The following NDRG4 variants were observed in gnomAD, a reference collection of about 807,000 sequenced individuals.
The protein encoded by NDRG4 is NDRG family member 4.
Under a neutral mutation model 55.8 loss-of-function variants are expected in NDRG4, and 38 were observed. The observed-to-expected ratio is 0.68, with a 90% confidence interval of 0.53 to 0.89. NDRG4 has a LOEUF of 0.89. Ranked by LOEUF, NDRG4 falls within the 40% of genes least tolerant of loss-of-function variation. The pLI is 0.00. For missense variants in NDRG4, 455 were observed against 468.6 expected, an observed-to-expected ratio of 0.97 and a Z score of 0.27; for synonymous variants, 190 against 182.7, an observed-to-expected ratio of 1.04 and a Z score of -0.32.
intron 1 of NDRG4, chr16:58,501,203 G>A (rs1199904380): frequency 5.7e-6 from 3 of 530,108 alleles, no homozygotes; most frequent in East Asian, 3.5e-5. Flanking sequence ...CGGAGGTGAC[G>A]ACGTCAGCAC....
At chr16:58,505,124 C>T (rs559600244) in intron 5 of NDRG4, among the ~76,000 whole-genome samples, 37 of 152,192 alleles carry the variant, frequency 2.4e-4, no homozygotes, top group East Asian at 1.9e-3. Flanking sequence ...CCAAGGTGGG[C>T]AGATCACGAG....
chr16:58,486,700 TACACACACACACACACACACACACAC>T (rs56119933), intron 1 of NDRG4, among the ~76,000 whole-genome samples: 15 of 128,136 alleles, frequency 1.2e-4, no homozygotes, highest in Admixed American at 4.7e-4. Context: ...CACTGGCTCC[TACACACACACACACACACACACACAC>T]ACACACACAC....
At chr16:58,514,289 A>C (rs1275682895), downstream of NDRG4, among the ~76,000 whole-genome samples, 2 of 152,246 alleles carry the variant, frequency 1.3e-5, no homozygotes, top group Non-Finnish European at 2.9e-5. Flanking sequence ...TATAGTCCTC[A>C]ATAAGGCTTC....
intron 1 of NDRG4, chr16:58,487,705 C>T (rs1857044410): frequency 2.1e-6 from 3 of 1,410,136 alleles, no homozygotes; most frequent in Non-Finnish European, 2.9e-6. Context: ...TGTCCTTCTC[C>T]GCCCGGGCGT....
chr16:58,487,998 C>A, intron 2 of NDRG4: 1 of 569,586 alleles, frequency 1.8e-6, no homozygotes, highest in Non-Finnish European at 2.8e-6. Flanking sequence ...GGAGTTCCGG[C>A]AGGCCTGAGT....
rs1162692116 is a variant in NDRG4, at chr16:58,506,160, G to GTGTGTGTGTC, written c.373-218_373-217insCTGTGTGTGT. 9 of 665,360 alleles carry GTGTGTGTGTC rather than the reference G, an allele frequency of 1.4e-5. No homozygotes were observed. The African/African-American group carries it at 1.4e-4, about 11-fold the overall frequency. The allele number at this position is 665,360 out of a possible 1,614,324, so 41.2% of individuals were successfully genotyped here. ...TGTGTGTGTGTGTGTGTGTGTGTCT[G>GTGTGTGTGTC]TGTGTGTGTAGGGGTGGAAACAATG... On this transcript the variant is annotated intron_variant, in intron 5 of 14. Transcript: ENST00000570248.
chr16:58,499,946 G>A, upstream of NDRG4: 1 of 545,198 alleles, frequency 1.8e-6, no homozygotes, highest in South Asian at 2.0e-5. Context: ...TGTGTGGCTG[G>A]GGTGGGAGGA....
chr16:58,501,185 C>T (rs1405513523), intron 1 of NDRG4: 13 of 663,426 alleles, frequency 2.0e-5, no homozygotes, highest in East Asian at 3.4e-5. Context: ...TAGGTCACCC[C>T]GCACGCACGG....
At chr16:58,470,758 T>G (rs1176426381) in intron 1 of NDRG4, among the ~76,000 whole-genome samples, 3 of 151,884 alleles carry the variant, frequency 2.0e-5, no homozygotes, top group Admixed American at 2.0e-4. Flanking sequence ...AATACAAAAA[T>G]TAGCCAGGCA....
Position 58,500,192 on chromosome 16 carries a change from G to T in NDRG4, c.-57G>T. 2 of 1,536,080 alleles carry T rather than the reference G, an allele frequency of 1.3e-6. No individual in the cohort carries two copies. The highest frequency in any genetic ancestry group is 2.4e-5 in the South Asian group (2 of 84,050). On this transcript the variant is annotated 5_prime_UTR_variant, in exon 1 of 15. Coordinates refer to ENST00000570248, the MANE Select transcript of NDRG4 (RefSeq NM_001242835.2). ...AGCTGCCCCCGCCCTCTGGACCCGAGTGACTCAGGCCTTTGTTTGTCCTTC... is the reference window on the plus strand; with the variant it reads ...AGCTGCCCCCGCCCTCTGGACCCGATTGACTCAGGCCTTTGTTTGTCCTTC...
rs574390296 is a variant in NDRG4 at position 58,500,211 on chromosome 16, G to A, written c.-38G>A. ...ACCCGAGTGACTCAGGCCTTTGTTT[G>A]TCCTTCCTGGTAGAGGCGGGTTCCC... On this transcript the variant is annotated 5_prime_UTR_variant, in exon 1 of 15. Transcript: ENST00000570248. 32 of 1,536,146 alleles carry A rather than the reference G, an allele frequency of 2.1e-5. No homozygotes were observed. The East Asian group carries it at 5.6e-4, about 27-fold the overall frequency.
chr16:58,506,968 CGTG>C lies in NDRG4; in HGVS notation c.577_579del (p.Val193del). 1 of 1,614,120 alleles carries C rather than the reference CGTG, an allele frequency of 6.2e-7. No homozygotes were observed. Among genetic ancestry groups the C allele is most frequent in the African/African-American group, 1.3e-5 (1 of 75,052 alleles). Reference sequence around the variant, plus strand: ...AGAGCTACCGGCAGCAGATTGGGAACGTGGTGAACCAGGCCAACCTGCAGCTCT... The same window carrying C: ...AGAGCTACCGGCAGCAGATTGGGAACGTGAACCAGGCCAACCTGCAGCTCT... On this transcript the variant is annotated inframe_deletion, in exon 8 of 15. Transcript: ENST00000570248.
Position 58,504,221 on chromosome 16 carries a change from G to A in NDRG4, c.195G>A (p.Val65=), listed in dbSNP as rs138993357. The change falls in exon 3 of 15, where the codon GTG becomes GTA. Residue 65 remains valine (V), a synonymous_variant. Transcript: ENST00000570248. Reference sequence around the variant, plus strand: ...AGGAGATCACCAAGCACTTTGTGGTGTGTCACGTGGATGCCCCTGGACAAC... The same window carrying A: ...AGGAGATCACCAAGCACTTTGTGGTATGTCACGTGGATGCCCCTGGACAAC... ...DMQEITKHFV[V]CHVDAPGQQV... The A allele has an allele frequency of 1.2e-6, 2 of 1,614,208 alleles. No homozygotes were observed. The highest frequency in any genetic ancestry group is 1.3e-5 in the African/African-American group (1 of 75,058).
intron 2 of NDRG4, among the ~76,000 whole-genome samples, chr16:58,493,594 G>T (rs1025777036): frequency 1.3e-5 from 2 of 152,204 alleles, no homozygotes; most frequent in Non-Finnish European, 2.9e-5. Context: ...TCCTTAGGAG[G>T]ATCTGTAGCA....
intron 1 of NDRG4, among the ~76,000 whole-genome samples, chr16:58,476,782 C>A (rs544371749): frequency 3.3e-4 from 50 of 152,150 alleles, no homozygotes; most frequent in African/African-American, 1.2e-3. Context: ...AAAAGGAATA[C>A]CTTAAACAAT....
intron 1 of NDRG4, among the ~76,000 whole-genome samples, chr16:58,482,907 C>G (rs577886613): frequency 6.6e-6 from 1 of 152,198 alleles, no homozygotes; most frequent in African/African-American, 2.4e-5. Context: ...CTCAGCCTCC[C>G]AAGTAGTTGG....
At chr16:58,482,965 T>C (rs2034643544) in intron 1 of NDRG4, among the ~76,000 whole-genome samples, 1 of 152,100 alleles carries the variant, frequency 6.6e-6, no homozygotes, top group Non-Finnish European at 1.5e-5. Context: ...TTTGAATTTT[T>C]AGTAGAGACA....
At chr16:58,477,753 G>A (rs766857837) in intron 1 of NDRG4, among the ~76,000 whole-genome samples, 3 of 137,784 alleles carry the variant, frequency 2.2e-5, no homozygotes, top group Admixed American at 7.7e-5. Flanking sequence ...ATCAATAGTT[G>A]TTAAAATTAG....
At chr16:58,513,912 C>T (rs529428534), downstream of NDRG4, among the ~76,000 whole-genome samples, 20 of 152,198 alleles carry the variant, frequency 1.3e-4, no homozygotes, top group East Asian at 3.1e-3. Flanking sequence ...GAGTGGAGAT[C>T]GTGCCACTGC....
Sources: allele counts gnomAD v4.1 joint callset (sites outside exome capture counted in the v4.1 genomes callset), GRCh38; gene constraint gnomAD v4.1.1; transcripts MANE v1.5; gene names NCBI Gene and HGNC (gene_info 2026-07-23, HGNC 2026-07-21).